Variants in GLIS1 observed in about 807,000 individuals in gnomAD.
The protein encoded by GLIS1 is zinc finger protein GLIS1.
In GLIS1, 24 loss-of-function variants were observed where a neutral mutation model predicts 63.8. The observed-to-expected ratio is 0.38, with a 90% CI of 0.27 to 0.53. The LOEUF is 0.53. Among genes scored for constraint, GLIS1 ranks in the 20% least tolerant of loss-of-function variants. The pLI, the probability that GLIS1 is intolerant of heterozygous loss-of-function variation, is 0.85. For synonymous variants in GLIS1, 450 were observed against 482.5 expected, an observed-to-expected ratio of 0.93 and a Z score of 0.88; for missense variants, 1,036 against 1,074.1, an observed-to-expected ratio of 0.96 and a Z score of 0.50.
intron 2 of GLIS1, among the ~76,000 whole-genome samples, chr1:53,644,038 A>G (rs777954496): frequency 3.3e-5 from 5 of 152,306 alleles, no homozygotes; most frequent in Middle Eastern, 6.8e-3. Flanking sequence ...TTTGAAAGGA[A>G]GGGGCAAAGT....
intron 2 of GLIS1, among the ~76,000 whole-genome samples, chr1:53,636,374 A>T (rs1645721692): frequency 6.6e-6 from 1 of 152,196 alleles, no homozygotes; most frequent in African/African-American, 2.4e-5. Context: ...TGCAGAAAAA[A>T]GCATTTGATA....
At chr1:53,692,467 C>T (rs1646416655) in intron 2 of GLIS1, among the ~76,000 whole-genome samples, 1 of 152,270 alleles carries the variant, frequency 6.6e-6, no homozygotes, top group South Asian at 2.1e-4. Context: ...TGAGCACTTA[C>T]TGTGTGCTTT....
chr1:53,612,887 C>T (rs981262906), intron 2 of GLIS1, among the ~76,000 whole-genome samples: 78 of 149,822 alleles, frequency 5.2e-4, no homozygotes, highest in Non-Finnish European at 1.0e-3. Context: ...GGCACGATCT[C>T]GACTCACAGC....
rs777133373 is a variant in GLIS1, at chr1:53,612,554, T to G, written c.260-12276A>C. ...CGCGCCTGGCCTGTTAGGCTTACTT[T>G]TTGGCACTTCCCCATCTCCCTGGGA... On this transcript the variant is annotated intron_variant, in intron 2 of 10. Coordinates refer to ENST00000628545, the MANE Select transcript of GLIS1 (RefSeq NM_001367484.1). Among the ~76,000 whole-genome samples, 16 of 152,144 alleles carry G rather than the reference T, an allele frequency of 1.1e-4. No individual in the cohort carries two copies. In the South Asian group the frequency reaches 1.5e-3, roughly 14 times the overall value.
intron 2 of GLIS1, among the ~76,000 whole-genome samples, chr1:53,734,851 A>G (rs1646898259): frequency 6.6e-6 from 1 of 152,210 alleles, no homozygotes; most frequent in South Asian, 2.1e-4. Flanking sequence ...GTGTTTAATA[A>G]TAGGAAAGAA....
intron 4 of GLIS1, among the ~76,000 whole-genome samples, chr1:53,579,224 A>C (rs1377737159): frequency 6.6e-6 from 1 of 152,188 alleles, no homozygotes; most frequent in East Asian, 1.9e-4. Flanking sequence ...AGAAAGCCCC[A>C]CTGGATTTAC....
intron 2 of GLIS1, among the ~76,000 whole-genome samples, chr1:53,642,746 C>G (rs1195308857): frequency 1.3e-5 from 2 of 152,186 alleles, no homozygotes; most frequent in African/African-American, 4.8e-5. Context: ...GCAGTTTTAA[C>G]TCCACTCACC....
chr1:53,685,702 A>G (rs918595194), intron 2 of GLIS1, among the ~76,000 whole-genome samples: 1 of 152,062 alleles, frequency 6.6e-6, no homozygotes, highest in South Asian at 2.1e-4. Context: ...TTTCACATCC[A>G]GTCAGTTGTC....
intron 4 of GLIS1, among the ~76,000 whole-genome samples, chr1:53,587,935 G>C (rs929281583): frequency 3.9e-5 from 6 of 152,192 alleles, no homozygotes; most frequent in African/African-American, 1.4e-4. Context: ...AGTCTCTGGA[G>C]TCAGACTGAG....
chr1:53,589,935 G>C (rs1175113204), intron 4 of GLIS1, among the ~76,000 whole-genome samples: 1 of 152,214 alleles, frequency 6.6e-6, no homozygotes, highest in African/African-American at 2.4e-5. Flanking sequence ...TGCCTGCCCT[G>C]CCCAAAGCAA....
At chr1:53,606,541 C>T (rs1645371058) in intron 2 of GLIS1, among the ~76,000 whole-genome samples, 3 of 152,190 alleles carry the variant, frequency 2.0e-5, no homozygotes, top group Admixed American at 2.0e-4. Context: ...GAGCAGCGTT[C>T]ATCTCCTAAC....
intron 2 of GLIS1, among the ~76,000 whole-genome samples, chr1:53,657,896 G>C (rs1271809728): frequency 2.0e-5 from 3 of 152,124 alleles, no homozygotes. Flanking sequence ...CCCCTTCTCT[G>C]CACCCTCTCT....
chr1:53,552,627 A>C (rs1191801720), intron 4 of GLIS1, among the ~76,000 whole-genome samples: 1 of 152,180 alleles, frequency 6.6e-6, no homozygotes, highest in Non-Finnish European at 1.5e-5. Context: ...GCCTAATAGA[A>C]ACACTTGCCC....
At chr1:53,701,329 A>G (rs1646520627) in intron 2 of GLIS1, among the ~76,000 whole-genome samples, 1 of 152,168 alleles carries the variant, frequency 6.6e-6, no homozygotes, top group Non-Finnish European at 1.5e-5. Context: ...GGTGTGAAGT[A>G]CCATCTCATT....
At chr1:53,558,545 C>G (rs150440003) in intron 4 of GLIS1, among the ~76,000 whole-genome samples, 6 of 152,328 alleles carry the variant, frequency 3.9e-5, no homozygotes, top group African/African-American at 1.4e-4. Context: ...ATGCCTCCCC[C>G]TAACGATCTC....
chr1:53,514,814 T>C, intron 7 of GLIS1, 33 bp from the exon 8 acceptor site: 1 of 1,550,204 alleles, frequency 6.5e-7, no homozygotes, highest in South Asian at 1.3e-5. Context: ...CACTGGACTC[T>C]GGCCACTCCC....
At chr1:53,664,625 C>T (rs913215745) in intron 2 of GLIS1, among the ~76,000 whole-genome samples, 1 of 152,172 alleles carries the variant, frequency 6.6e-6, no homozygotes, top group South Asian at 2.1e-4. Flanking sequence ...AACAGAAACC[C>T]CTGCCCTCAC....
rs776380380 is a variant in GLIS1 at position 53,594,581 on chromosome 1, G to A, written c.847C>T (p.Pro283Ser). 1.9e-6 allele frequency: 3 copies of A among 1,594,130 alleles called. No homozygotes were observed. The South Asian group carries it at 3.3e-5, about 18-fold the overall frequency. Residue 283 changes from proline to serine, a missense_variant, in exon 4 of 11, where the codon CCT becomes TCT. Pro to Ser is a moderately conservative substitution (Grantham distance 74). Transcript: ENST00000628545. ...GGGCCCCCCAGATCTCCCGTCAGAG[G>A]GGGGCTCCGGAGTCCATTTACACAG... is the stretch of plus-strand genomic sequence containing the variant. ...VTCVNGLRSPPLTGDLGGPSK... is the reference protein window; with the variant it reads ...VTCVNGLRSPSLTGDLGGPSK...
chr1:53,631,317 G>A (rs182997432), intron 2 of GLIS1, among the ~76,000 whole-genome samples: 246 of 152,250 alleles, frequency 1.6e-3, no homozygotes, highest in Non-Finnish European at 2.7e-3. Context: ...AGATAATGTA[G>A]GTGAGGATTT....
Sources: gnomAD v4.1 joint callset for allele counts (sites outside exome capture counted in the v4.1 genomes callset) on GRCh38, gnomAD v4.1.1 for gene constraint, MANE v1.5 for transcripts, NCBI Gene and HGNC (gene_info 2026-07-23, HGNC 2026-07-21) for gene names.